ZCCHC10: variants seen among roughly 807,000 people sequenced by gnomAD.
ZCCHC10 encodes the protein zinc finger CCHC-type containing 10.
In ZCCHC10, 16 loss-of-function variants were observed where a neutral mutation model predicts 19.5. The ratio of observed to expected loss-of-function variants is 0.82; its 90% CI spans 0.56 to 1.25. The LOEUF is 1.25. ZCCHC10 is among the 50% of genes most tolerant of loss of function. The probability of loss-of-function intolerance (pLI) is 0.00; values close to 1 mark genes in which losing one functional copy is unlikely to be tolerated. For missense variants in ZCCHC10, 197 were observed against 201.0 expected (o/e 0.98, Z 0.12); for synonymous variants, 67 against 72.5 (o/e 0.92, Z 0.38).
intron 3 of ZCCHC10, 49 bp downstream of exon 3, chr5:133,006,710 T>G: frequency 6.5e-7 from 1 of 1,528,278 alleles, no homozygotes; most frequent in South Asian, 1.3e-5. Flanking sequence ...TAATAAATTC[T>G]ATATACACAT....
intron 2 of ZCCHC10, among the ~76,000 whole-genome samples, chr5:133,017,529 A>G (rs186487902): frequency 8.6e-5 from 13 of 151,962 alleles, no homozygotes; most frequent in South Asian, 2.1e-4. Context: ...ACCACCACAC[A>G]TGGCTAATAT....
intron 2 of ZCCHC10, among the ~76,000 whole-genome samples, chr5:133,021,505 A>G (rs1430338681): frequency 1.3e-5 from 2 of 152,182 alleles, no homozygotes; most frequent in Non-Finnish European, 2.9e-5. Flanking sequence ...TTAGGATGTC[A>G]ATTCTCCATA....
chr5:133,004,750 A>G (rs186553867), intron 3 of ZCCHC10, among the ~76,000 whole-genome samples: 16 of 151,650 alleles, frequency 1.1e-4, no homozygotes, highest in Admixed American at 5.9e-4. Flanking sequence ...TCGGCCTCCC[A>G]AAGTGCTGGG....
chr5:133,024,426 C>G (rs989515621), intron 1 of ZCCHC10, among the ~76,000 whole-genome samples: 6 of 152,148 alleles, frequency 3.9e-5, no homozygotes, highest in African/African-American at 7.2e-5. Context: ...CAACTTGAAG[C>G]TGAGAGAATA....
intron 2 of ZCCHC10, among the ~76,000 whole-genome samples, chr5:133,008,485 C>T (rs1388622757): frequency 6.8e-6 from 1 of 147,742 alleles, no homozygotes. Flanking sequence ...TTGCAGTGAG[C>T]CGAGATTGCG....
At chr5:133,026,454 C>T (rs766380839) in intron 1 of ZCCHC10, 43 bp downstream of exon 1, 24 of 1,609,394 alleles carry the variant, frequency 1.5e-5, no homozygotes, top group East Asian at 2.2e-5. Context: ...CGCGTTTCCC[C>T]GCTCCCAGCC....
chr5:133,020,612 A>G (rs1764239271), intron 2 of ZCCHC10, among the ~76,000 whole-genome samples: 1 of 144,246 alleles, frequency 6.9e-6, no homozygotes. Context: ...ACAAAGCAAA[A>G]GCCTGTCTTT....
intron 2 of ZCCHC10, among the ~76,000 whole-genome samples, chr5:133,013,061 TAAA>T (rs368155320): frequency 5.3e-5 from 6 of 113,088 alleles, no homozygotes; most frequent in African/African-American, 1.6e-4. Flanking sequence ...AAAAAAAAAT[TAAA>T]AAAAAAAAAA....
intron 2 of ZCCHC10, among the ~76,000 whole-genome samples, chr5:133,013,460 A>ACAC: frequency 6.6e-6 from 1 of 152,302 alleles, no homozygotes; most frequent in Non-Finnish European, 1.5e-5. Flanking sequence ...GTGGTGGCTC[A>ACAC]CACCTGTAAT....
rs546849265 is a variant in ZCCHC10, at chr5:133,010,621, T to C, written c.108-3701A>G. ...CATATAAAGACGAATTGAGTTTCTA[T>C]ATAACAAAAAACAGTTTTCGTATTT... On this transcript the variant is annotated intron_variant, in intron 2 of 4. Transcript: ENST00000509437. 2.6e-5 allele frequency among the ~76,000 whole-genome samples: 4 copies of C among 152,178 alleles called. No individual in the cohort carries two copies. In the East Asian group the frequency reaches 7.7e-4, roughly 29 times the overall value.
chr5:133,014,770 C>T (rs752865906), intron 2 of ZCCHC10, among the ~76,000 whole-genome samples: 14 of 152,200 alleles, frequency 9.2e-5, no homozygotes, highest in African/African-American at 1.4e-4. Context: ...AACACAGCTT[C>T]GCCCAGAGTG....
At chr5:133,004,751 A>G (rs1434245691) in intron 3 of ZCCHC10, among the ~76,000 whole-genome samples, 1 of 151,552 alleles carries the variant, frequency 6.6e-6, no homozygotes, top group Non-Finnish European at 1.5e-5. Context: ...CGGCCTCCCA[A>G]AGTGCTGGGA....
At chr5:133,013,653 C>T (rs1581409443) in intron 2 of ZCCHC10, among the ~76,000 whole-genome samples, 2 of 152,026 alleles carry the variant, frequency 1.3e-5, no homozygotes, top group East Asian at 1.9e-4. Flanking sequence ...ACCCAGGTGG[C>T]GGATGCTGTG....
intron 2 of ZCCHC10, among the ~76,000 whole-genome samples, chr5:133,009,278 C>T (rs928532677): frequency 1.1e-4 from 16 of 151,796 alleles, no homozygotes; most frequent in African/African-American, 2.9e-4. Flanking sequence ...GCTGGGATTA[C>T]GGGCATGAGC....
intron 2 of ZCCHC10, among the ~76,000 whole-genome samples, chr5:133,012,012 T>A (rs1014450287): frequency 1.7e-4 from 26 of 151,156 alleles, no homozygotes; most frequent in African/African-American, 6.3e-4. Context: ...GGCAGGCACC[T>A]GTAGTCCCCA....
chr5:133,004,449 C>T (rs1004485704), intron 3 of ZCCHC10, among the ~76,000 whole-genome samples: 1 of 152,330 alleles, frequency 6.6e-6, no homozygotes, highest in South Asian at 2.1e-4. Context: ...GCTGGGATTA[C>T]AGGCATGAGC....
chr5:133,009,909 T>C (rs1189754583), intron 2 of ZCCHC10, among the ~76,000 whole-genome samples: 1 of 152,108 alleles, frequency 6.6e-6, no homozygotes, highest in South Asian at 2.1e-4. Context: ...AGTAAAAGAA[T>C]TGAAAAGGAA....
At position 133,013,261 on chromosome 5, in the gene ZCCHC10, GA is replaced by G. The variant is rs1184937706; in HGVS notation, c.108-6342del. On this transcript the variant is annotated intron_variant, in intron 2 of 4. Transcript: ENST00000509437. ...CGACAGAGTGAGACTCCATCTCCAA[GA>G]AAAAAAAAAAAAAAAGGGACTAGGA... 1.4e-3 allele frequency among the ~76,000 whole-genome samples: 126 copies of G among 88,778 alleles called. 1 individual carries two copies. The highest frequency in any genetic ancestry group is 1.8e-3 in the South Asian group (4 of 2,250). 58.2% of individuals were successfully genotyped at this position (88,778 alleles called of 152,430 possible).
chr5:133,015,898 A>G (rs1397741746), intron 2 of ZCCHC10, among the ~76,000 whole-genome samples: 1 of 152,154 alleles, frequency 6.6e-6, no homozygotes, highest in Non-Finnish European at 1.5e-5. Flanking sequence ...TAAATATCCT[A>G]CTCCTCATTA....
Sources: gnomAD v4.1 joint callset for allele counts (sites outside exome capture counted in the v4.1 genomes callset) on GRCh38, gnomAD v4.1.1 for gene constraint, MANE v1.5 for transcripts, NCBI Gene and HGNC (gene_info 2026-07-23, HGNC 2026-07-21) for gene names.